The following C17orf75 variants were observed in gnomAD, a reference collection of about 807,000 sequenced individuals.
C17orf75 encodes protein Njmu-R1.
A neutral mutation model predicts 49.6 loss-of-function variants in C17orf75; 32 were observed. The observed-to-expected ratio is 0.65, with a 90% CI of 0.49 to 0.87. The LOEUF (loss-of-function observed/expected upper bound fraction) is 0.87. Ranked by LOEUF, C17orf75 falls within the 40% of genes least tolerant of loss-of-function variation. C17orf75 has a pLI of 0.00. For synonymous variants in C17orf75, 158 were observed against 159.5 expected, an observed-to-expected ratio of 0.99 and a Z score of 0.07; for missense variants, 428 against 473.9, an observed-to-expected ratio of 0.90 and a Z score of 0.90.
upstream of C17orf75, among the ~76,000 whole-genome samples, chr17:32,345,723 G>A (rs1021081735): frequency 1.1e-4 from 16 of 151,912 alleles, 2 homozygotes; most frequent in East Asian, 1.2e-3. Context: ...CCAGCTACTC[G>A]GGAGTCTGAG....
upstream of C17orf75, among the ~76,000 whole-genome samples, chr17:32,346,581 TG>T (rs905688884): frequency 6.6e-6 from 1 of 151,868 alleles, no homozygotes; most frequent in Non-Finnish European, 1.5e-5. Flanking sequence ...AATTTTTTTT[TG>T]TTTTTTTTTG....
chr17:32,341,326 TAAACC>T, intron 1 of C17orf75, 42 bp from the exon 2 acceptor site: 1 of 1,606,218 alleles, frequency 6.2e-7, no homozygotes, highest in Non-Finnish European at 8.5e-7. Context: ...TTATGGGCTC[TAAACC>T]AAGAGGAGTA....
chr17:32,335,563 C>A, intron 5 of C17orf75, 121 bp from the exon 6 acceptor site: 1 of 1,202,682 alleles, frequency 8.3e-7, no homozygotes, highest in Non-Finnish European at 1.1e-6. Flanking sequence ...CTTTTTAAAG[C>A]TAACACCACC....
At chr17:32,339,010 G>T (rs943094104) in intron 3 of C17orf75, among the ~76,000 whole-genome samples, 1 of 152,102 alleles carries the variant, frequency 6.6e-6, no homozygotes, top group Admixed American at 6.5e-5. Context: ...AGAATTGCTT[G>T]AACCAGGGAG....
chr17:32,337,562 A>G (rs1452262391), intron 5 of C17orf75, among the ~76,000 whole-genome samples: 2 of 152,098 alleles, frequency 1.3e-5, no homozygotes, highest in Non-Finnish European at 2.9e-5. Context: ...AAGTAGAGCA[A>G]TCACAGTATA....
chr17:32,349,632 G>A (rs1433240213), intron 1 of C17orf75, among the ~76,000 whole-genome samples: 1 of 151,996 alleles, frequency 6.6e-6, no homozygotes, highest in Non-Finnish European at 1.5e-5. Flanking sequence ...ACAACCCAAC[G>A]ACCACTACCA....
At position 32,342,065 on chromosome 17, in the gene C17orf75, G is replaced by C. The variant is rs756069645; in HGVS notation, c.75C>G (p.Ala25=). Residue 25 remains alanine (A), a synonymous_variant, in exon 1 of 10, where the codon GCC becomes GCG. Coordinates refer to ENST00000577809, the MANE Select transcript of C17orf75 (RefSeq NM_022344.4). ...ACGGCGGCTCGAGTCTCCGCTCCTC[G>C]GCTGAGCCTCCCTCTTCGCTGCTCT... The part of the protein sequence containing the change: ...ELESSEEGGS[A]EERRLEPPSS... The C allele has an allele frequency of 6.4e-7, 1 of 1,570,534 alleles. No individual in the cohort carries two copies. Among genetic ancestry groups the C allele is most frequent in the Non-Finnish European group, 8.6e-7 (1 of 1,160,362 alleles).
At chr17:32,337,754 T>C (rs1369341114) in intron 5 of C17orf75, 143 bp downstream of exon 5, 1 of 619,714 alleles carries the variant, frequency 1.6e-6, no homozygotes. Flanking sequence ...TTAGTAGAGA[T>C]GAAGTTTCAT....
chr17:32,349,981 T>A, exon 1 of C17orf75: 1 of 1,243,512 alleles, frequency 8.0e-7, no homozygotes, highest in Non-Finnish European at 1.0e-6. Flanking sequence ...CCCAAAGTGC[T>A]CCGCAAGCAC....
chr17:32,339,942 G>A lies in C17orf75; in HGVS notation c.222-4C>T. ...ATTAGTATCTGCCAAGGAGAGGCTT[G>A]ACAAATGAAAGACACACATTCTTTA... On this transcript the variant is annotated splice_region_variant and splice_polypyrimidine_tract_variant and intron_variant, in intron 2 of 9. Coordinates refer to ENST00000577809, the MANE Select transcript of C17orf75 (RefSeq NM_022344.4). 1 of 1,613,710 alleles carries A rather than the reference G, an allele frequency of 6.2e-7. No individual in the cohort carries two copies. Among genetic ancestry groups the A allele is most frequent in the Non-Finnish European group, 8.5e-7 (1 of 1,179,796 alleles).
chr17:32,335,832 A>G (rs1160268197), intron 5 of C17orf75, among the ~76,000 whole-genome samples: 3 of 152,216 alleles, frequency 2.0e-5, no homozygotes, highest in Non-Finnish European at 4.4e-5. Flanking sequence ...AGTGTCTAAA[A>G]CATGCATAGT....
intron 3 of C17orf75, 140 bp downstream of exon 3, chr17:32,339,673 G>A (rs936365793): frequency 1.9e-6 from 2 of 1,059,328 alleles, no homozygotes; most frequent in South Asian, 3.1e-5. Context: ...ATGTTTATGT[G>A]TGAGGCCCAG....
rs770126394 is a variant in C17orf75, at chr17:32,335,385, C to G, written c.607G>C (p.Val203Leu). ...SYLSSWFEDV[V>L]CPIQRVVLLF... ...AGAACAACCCTTTGGATTGGGCATA[C>G]AACATCCTCAAACCAGCTGCTCAGA... Residue 203 changes from valine (V) to leucine (L), a missense_variant, in exon 6 of 10, where the codon GTA (valine) becomes CTA (leucine). Val to Leu is a conservative substitution (Grantham distance 32). Transcript: ENST00000577809. The G allele has an allele frequency of 1.2e-6, 2 of 1,613,950 alleles. No homozygotes were observed. Among genetic ancestry groups the G allele is most frequent in the East Asian group, 4.5e-5 (2 of 44,876 alleles).
intron 5 of C17orf75, among the ~76,000 whole-genome samples, chr17:32,336,678 T>C (rs937035951): frequency 2.0e-5 from 3 of 152,222 alleles, no homozygotes; most frequent in African/African-American, 7.2e-5. Flanking sequence ...CCAGTACTTC[T>C]GACCATAATA....
At chr17:32,341,844 C>A in intron 1 of C17orf75, 156 bp downstream of exon 1, 3 of 1,074,074 alleles carry the variant, frequency 2.8e-6, no homozygotes, top group African/African-American at 3.4e-5. Context: ...AGGCGAGGAG[C>A]GCCCTTCAGG....
chr17:32,340,268 CATT>C (rs2041365665), intron 2 of C17orf75, among the ~76,000 whole-genome samples: 1 of 152,148 alleles, frequency 6.6e-6, no homozygotes, highest in Admixed American at 6.5e-5. Context: ...CATGGTCAGT[CATT>C]ATAATCACAC....
upstream of C17orf75, among the ~76,000 whole-genome samples, chr17:32,344,920 T>TA (rs535070019): frequency 6.0e-5 from 9 of 151,052 alleles, no homozygotes; most frequent in African/African-American, 2.2e-4. Context: ...AAAAAATAAA[T>TA]AAAAATAAAA....
chr17:32,342,040 A>T lies in C17orf75; in HGVS notation c.100T>A (p.Ser34Thr). The stretch of plus-strand genomic sequence containing the variant: ...CTGTAAAGACAGTAGTGGCTGCTGG[A>T]CGGCGGCTCGAGTCTCCGCTCCTCG... ...SAEERRLEPPSSSHYCLYSYR... is the reference protein window; with the variant it reads ...SAEERRLEPPTSSHYCLYSYR... The change falls in exon 1 of 10, where the codon TCC becomes ACC. Residue 34 changes from serine to threonine, a missense_variant. Coordinates refer to ENST00000577809, the MANE Select transcript of C17orf75 (RefSeq NM_022344.4). The T allele has an allele frequency of 1.3e-6, 2 of 1,550,268 alleles. No homozygotes were observed. Among genetic ancestry groups the T allele is most frequent in the East Asian group, 2.5e-5 (1 of 40,492 alleles).
chr17:32,349,599 A>G (rs1424791857), intron 1 of C17orf75, among the ~76,000 whole-genome samples: 1 of 152,056 alleles, frequency 6.6e-6, no homozygotes, highest in Non-Finnish European at 1.5e-5. Context: ...AAAACAAAAC[A>G]AAGAAAAACA....
Sources: gnomAD v4.1 joint callset for allele counts (sites outside exome capture counted in the v4.1 genomes callset) on GRCh38, gnomAD v4.1.1 for gene constraint, MANE v1.5 for transcripts, NCBI Gene and HGNC (gene_info 2026-07-23, HGNC 2026-07-21) for gene names.